PTPRD: variants seen among roughly 807,000 people sequenced by gnomAD.
The protein encoded by PTPRD is receptor-type tyrosine-protein phosphatase delta.
In PTPRD, 34 loss-of-function variants were observed where a neutral mutation model predicts 214.5. That is an observed-to-expected ratio of 0.16 (90% CI 0.12 to 0.21). PTPRD has a LOEUF of 0.21. Ranked by LOEUF, PTPRD falls within the 10% of genes least tolerant of loss-of-function variation. PTPRD has a pLI of 1.00. For missense variants in PTPRD, 2,545 were observed against 2,398.7 expected (o/e 1.06, Z -1.27); for synonymous variants, 1,128 against 845.7 (o/e 1.33, Z -5.79).
Position 9,482,631 on chromosome 9 carries a change from C to T in PTPRD, c.-236-85149G>A, listed in dbSNP as rs117457803. Among the ~76,000 whole-genome samples the T allele has an allele frequency of 7.4e-4, 113 of 152,292 alleles. 1 individual carries two copies. The highest frequency in any genetic ancestry group is 3.4e-3 in the Middle Eastern group (1 of 294). On this transcript the variant is annotated intron_variant, in intron 8 of 45. Coordinates refer to ENST00000381196, the MANE Select transcript of PTPRD (RefSeq NM_002839.4). ...CATAGTTCAGGTATTTACTGCCATT[C>T]TCTTCTGAGGACATCAGCTATTATC...
intron 2 of PTPRD, among the ~76,000 whole-genome samples, chr9:10,591,811 C>T (rs2075519794): frequency 6.6e-6 from 1 of 152,064 alleles, no homozygotes; most frequent in South Asian, 2.1e-4. Context: ...ATGCTTATTT[C>T]ACCTCTATTT....
chr9:9,739,366 G>A lies in PTPRD; in HGVS notation c.-325-4795C>T, dbSNP rs184691585. Among the ~76,000 whole-genome samples the A allele has an allele frequency of 5.9e-5, 9 of 151,910 alleles. No homozygotes were observed. In the East Asian group the frequency reaches 1.4e-3, roughly 23 times the overall value. ...TTCTATAAGAATGTTTATAATAAAG[G>A]GTTTTTTTGTTGTCCATTACTTAAA... On this transcript the variant is annotated intron_variant, in intron 6 of 45. Transcript: ENST00000381196.
At chr9:9,468,823 A>G in intron 8 of PTPRD, among the ~76,000 whole-genome samples, 1 of 152,158 alleles carries the variant, frequency 6.6e-6, no homozygotes, top group East Asian at 1.9e-4. Flanking sequence ...ACGTAATGCC[A>G]GGCACACTGA....
intron 3 of PTPRD, among the ~76,000 whole-genome samples, chr9:10,143,169 A>T (rs1315401500): frequency 5.3e-5 from 8 of 152,112 alleles, no homozygotes; most frequent in Admixed American, 5.2e-4. Context: ...GATATACCTA[A>T]TGCTAGATGA....
chr9:8,572,697 A>C (rs2091472664), intron 14 of PTPRD, among the ~76,000 whole-genome samples: 1 of 152,028 alleles, frequency 6.6e-6, no homozygotes, highest in Admixed American at 6.6e-5. Flanking sequence ...GATTATATCA[A>C]AACCTAGCAG....
rs997086103 is a variant in PTPRD, at chr9:10,120,946, G to A, written c.-544-87156C>T. Among the ~76,000 whole-genome samples, 10 of 151,930 alleles carry A rather than the reference G, an allele frequency of 6.6e-5. No homozygotes were observed. In the East Asian group the frequency reaches 1.4e-3, roughly 21 times the overall value. On this transcript the variant is annotated intron_variant, in intron 3 of 45. Coordinates refer to ENST00000381196, the MANE Select transcript of PTPRD (RefSeq NM_002839.4). ...AAGCTCACGTAGACATTGAAGAGGG[G>A]CTCAAAATACATTACCAGCAGTAAA...
chr9:8,497,153 G>A, intron 26 of PTPRD, 89 bp downstream of exon 26: 6 of 1,162,830 alleles, frequency 5.2e-6, no homozygotes, highest in Non-Finnish European at 6.1e-6. Context: ...CAAGCAAACT[G>A]TGATGACAGA....
At chr9:8,722,554 T>G (rs2098512404) in intron 12 of PTPRD, among the ~76,000 whole-genome samples, 1 of 152,130 alleles carries the variant, frequency 6.6e-6, no homozygotes, top group Admixed American at 6.6e-5. Flanking sequence ...TTAAAAAGCT[T>G]TAATCTATAT....
At chr9:9,157,100 C>G (rs557587670) in intron 10 of PTPRD, among the ~76,000 whole-genome samples, 51 of 152,252 alleles carry the variant, frequency 3.3e-4, no homozygotes, top group Middle Eastern at 3.4e-3. Context: ...GGAAACACAA[C>G]ATATGAAAAC....
intron 10 of PTPRD, among the ~76,000 whole-genome samples, chr9:9,106,035 G>A (rs929989165): frequency 1.3e-5 from 2 of 151,976 alleles, no homozygotes; most frequent in African/African-American, 2.4e-5. Flanking sequence ...GAAAAGGGGG[G>A]GTCGATGGCT....
At chr9:9,019,305 A>AAAGAAAGAAAGAAAGAAAGAAAGG (rs2099551510) in intron 10 of PTPRD, among the ~76,000 whole-genome samples, 1 of 93,256 alleles carries the variant, frequency 1.1e-5, no homozygotes, top group Non-Finnish European at 2.1e-5. Flanking sequence ...AGAAAGAAAG[A>AAAGAAAGAAAGAAAGAAAGAAAGG]AAGAAAGAAA....
Position 9,279,071 on chromosome 9 carries a change from G to T in PTPRD, c.-202-95708C>A, listed in dbSNP as rs994383109. Among the ~76,000 whole-genome samples the T allele has an allele frequency of 4.0e-5, 6 of 151,012 alleles. No homozygotes were observed. In the East Asian group the frequency reaches 1.2e-3, roughly 30 times the overall value. On this transcript the variant is annotated intron_variant, in intron 9 of 45. Transcript: ENST00000381196. The stretch of plus-strand genomic sequence containing the variant: ...ATATATCATATCAATAGTTACCTAA[G>T]AAAGTAATGTTTAATAAAAAAGCTT...
intron 4 of PTPRD, among the ~76,000 whole-genome samples, chr9:10,012,143 T>A (rs2096613378): frequency 6.6e-6 from 1 of 151,968 alleles, no homozygotes; most frequent in Non-Finnish European, 1.5e-5. Flanking sequence ...TGAAAGTTGT[T>A]TAACATTGTA....
intron 5 of PTPRD, among the ~76,000 whole-genome samples, chr9:9,927,149 T>G (rs2084612311): frequency 6.6e-6 from 1 of 152,146 alleles, no homozygotes; most frequent in Admixed American, 6.6e-5. Context: ...AAATATTGAG[T>G]ATTTCTATAT....
At chr9:8,986,751 T>G (rs1000757104) in intron 11 of PTPRD, among the ~76,000 whole-genome samples, 2 of 152,046 alleles carry the variant, frequency 1.3e-5, no homozygotes, top group South Asian at 2.1e-4. Flanking sequence ...GATACAAATG[T>G]GTAAGCATTT....
At chr9:8,810,064 A>G (rs577980930) in intron 11 of PTPRD, among the ~76,000 whole-genome samples, 1 of 152,278 alleles carries the variant, frequency 6.6e-6, no homozygotes, top group South Asian at 2.1e-4. Flanking sequence ...TATGACAAAC[A>G]TATGCCCCAC....
At chr9:10,201,227 T>C (rs2099418903) in intron 3 of PTPRD, among the ~76,000 whole-genome samples, 2 of 151,950 alleles carry the variant, frequency 1.3e-5, no homozygotes, top group African/African-American at 4.8e-5. Flanking sequence ...GAACATAGTA[T>C]AAAAAGCCAT....
intron 44 of PTPRD, among the ~76,000 whole-genome samples, chr9:8,321,487 G>GTGTATATATATATATATATA (rs1168847469): frequency 4.5e-5 from 2 of 44,548 alleles, no homozygotes; most frequent in Non-Finnish European, 3.9e-5. Flanking sequence ...GTGTGTGTGT[G>GTGTATATATATATATATATA]TATATATATA....
intron 2 of PTPRD, among the ~76,000 whole-genome samples, chr9:10,471,856 A>G (rs150001986): frequency 2.1e-4 from 32 of 152,230 alleles, no homozygotes; most frequent in Admixed American, 1.8e-3. Context: ...TACCTAGACC[A>G]TAATTATTTG....
Sources: allele counts gnomAD v4.1 joint callset (sites outside exome capture counted in the v4.1 genomes callset), GRCh38; gene constraint gnomAD v4.1.1; transcripts MANE v1.5; gene names NCBI Gene and HGNC (gene_info 2026-07-23, HGNC 2026-07-21).